Variants in ROBO2 observed in about 807,000 individuals in gnomAD.
The protein encoded by ROBO2 is roundabout guidance receptor 2, also known as roundabout homolog 2.
A neutral mutation model predicts 160.8 loss-of-function variants in ROBO2; 53 were observed. The ratio of observed to expected loss-of-function variants is 0.33; its 90% CI spans 0.26 to 0.41. The LOEUF (loss-of-function observed/expected upper bound fraction) is 0.41, where lower values mean the gene tolerates loss of function less well. Among genes scored for constraint, ROBO2 ranks in the 10% least tolerant of loss-of-function variants. ROBO2 has a pLI of 1.00. For missense variants in ROBO2, 1,577 were observed against 1,722.4 expected (o/e 0.92, Z 1.49); for synonymous variants, 664 against 611.7 (o/e 1.09, Z -1.26).
intron 2 of ROBO2, among the ~76,000 whole-genome samples, chr3:77,357,774 T>G (rs977063444): frequency 1.3e-5 from 2 of 152,142 alleles, no homozygotes; most frequent in African/African-American, 4.8e-5. Context: ...GGTCCTAGCC[T>G]TAAATCAGTT....
At chr3:77,179,170 T>C (rs2080450778) in intron 2 of ROBO2, among the ~76,000 whole-genome samples, 1 of 152,050 alleles carries the variant, frequency 6.6e-6, no homozygotes, top group African/African-American at 2.4e-5. Flanking sequence ...AGAGCTTTAA[T>C]ATTTAGTAAC....
At chr3:76,104,174 A>G (rs1166117549) in intron 2 of ROBO2, among the ~76,000 whole-genome samples, 1 of 152,224 alleles carries the variant, frequency 6.6e-6, no homozygotes, top group African/African-American at 2.4e-5. Context: ...CCACATTTTA[A>G]AAAGATAACA....
intron 2 of ROBO2, among the ~76,000 whole-genome samples, chr3:75,962,228 C>T (rs1345874107): frequency 6.6e-6 from 1 of 151,666 alleles, no homozygotes; most frequent in Admixed American, 6.6e-5. Context: ...TAACATCTGA[C>T]TTTTCATCAG....
intron 2 of ROBO2, among the ~76,000 whole-genome samples, chr3:77,380,824 G>A (rs1020201975): frequency 6.6e-6 from 1 of 151,648 alleles, no homozygotes; most frequent in Non-Finnish European, 1.5e-5. Context: ...GCTGATTAGC[G>A]CTGTCTCAAA....
intron 2 of ROBO2, among the ~76,000 whole-genome samples, chr3:77,201,535 T>C (rs2082912878): frequency 6.6e-6 from 1 of 152,230 alleles, no homozygotes; most frequent in Admixed American, 6.5e-5. Context: ...CCAAGGAACA[T>C]GATAAAATAT....
chr3:76,719,265 A>C (rs1194646461), intron 2 of ROBO2, among the ~76,000 whole-genome samples: 1 of 152,230 alleles, frequency 6.6e-6, no homozygotes, highest in East Asian at 1.9e-4. Flanking sequence ...AATTTATTTG[A>C]ATGTATAGAT....
At chr3:77,254,157 C>T (rs777076877) in intron 2 of ROBO2, among the ~76,000 whole-genome samples, 3 of 152,136 alleles carry the variant, frequency 2.0e-5, no homozygotes, top group Non-Finnish European at 2.9e-5. Context: ...GTGGTCTTAG[C>T]TACTCGCTGA....
intron 2 of ROBO2, among the ~76,000 whole-genome samples, chr3:76,755,692 A>G (rs2060931723): frequency 6.6e-6 from 1 of 151,850 alleles, no homozygotes; most frequent in Non-Finnish European, 1.5e-5. Flanking sequence ...AGCATTTATA[A>G]TAATAATTGC....
At chr3:77,315,407 T>C (rs1321228216) in intron 2 of ROBO2, among the ~76,000 whole-genome samples, 5 of 152,240 alleles carry the variant, frequency 3.3e-5, no homozygotes, top group Non-Finnish European at 7.3e-5. Flanking sequence ...TGGGCTTTAC[T>C]TAATCAAATT....
At chr3:77,439,850 C>T (rs1393593380) in intron 2 of ROBO2, among the ~76,000 whole-genome samples, 1 of 152,058 alleles carries the variant, frequency 6.6e-6, no homozygotes, top group Non-Finnish European at 1.5e-5. Flanking sequence ...CGTGTTTTAG[C>T]TCTCTTCCAG....
intron 2 of ROBO2, chr3:76,434,647 G>C: frequency 9.9e-6 from 13 of 1,309,074 alleles, no homozygotes; most frequent in Non-Finnish European, 1.4e-5. Context: ...AAAGAACTGA[G>C]TGGACTCTGC....
At position 77,644,648 on chromosome 3, in the gene ROBO2, T is replaced by G. The variant is rs2095393068; in HGVS notation, c.3935-56T>G. ...CAGTGTTATATTCAAGAGTTAAGTT[T>G]AGTTTGCCTCCATGTTTCTGTTCAA... On this transcript the variant is annotated intron_variant, in intron 24 of 25. Coordinates refer to ENST00000461745, the Ensembl canonical transcript of ROBO2. The G allele has an allele frequency of 2.0e-6, 3 of 1,488,232 alleles. No individual in the cohort carries two copies. The East Asian group carries it at 6.8e-5, about 34-fold the overall frequency. 92.2% of individuals were successfully genotyped at this position (1,488,232 alleles called of 1,614,324 possible).
chr3:76,141,792 C>G (rs888184725), intron 2 of ROBO2, among the ~76,000 whole-genome samples: 6 of 151,898 alleles, frequency 4.0e-5, no homozygotes, highest in African/African-American at 1.5e-4. Flanking sequence ...ATGTTAGACA[C>G]AACTAAATCA....
At chr3:76,028,493 G>A (rs992979619) in intron 2 of ROBO2, among the ~76,000 whole-genome samples, 1 of 151,854 alleles carries the variant, frequency 6.6e-6, no homozygotes, top group Non-Finnish European at 1.5e-5. Flanking sequence ...AGAACTCCAG[G>A]ATCATAAGAG....
At chr3:77,056,124 A>C (rs765109157) in intron 1 of ROBO2, among the ~76,000 whole-genome samples, 16 of 152,330 alleles carry the variant, frequency 1.1e-4, no homozygotes, top group Non-Finnish European at 1.6e-4. Context: ...AACCACACTC[A>C]GTCTAAACAA....
intron 2 of ROBO2, among the ~76,000 whole-genome samples, chr3:77,150,577 A>T (rs1303918923): frequency 2.0e-5 from 3 of 152,176 alleles, no homozygotes; most frequent in African/African-American, 7.2e-5. Flanking sequence ...TGTGCCCAGG[A>T]AAGTCAGGTA....
intron 4 of ROBO2, among the ~76,000 whole-genome samples, chr3:77,485,977 T>C (rs541041617): frequency 6.6e-6 from 1 of 152,306 alleles, no homozygotes; most frequent in South Asian, 2.1e-4. Context: ...GTTCCCCTGA[T>C]GTGTTCATAT....
chr3:76,942,639 G>A lies in ROBO2; in HGVS notation c.110-155375G>A, dbSNP rs114786257. Among the ~76,000 whole-genome samples, 254 of 152,206 alleles carry A rather than the reference G, an allele frequency of 1.7e-3. 1 individual carries two copies. Among genetic ancestry groups the A allele is most frequent in the African/African-American group, 5.2e-3 (215 of 41,520 alleles). On this transcript the variant is annotated intron_variant, in intron 2 of 26. Transcript: ENST00000487694. ...TATCCTTGACTGTAGGGAAAAGGCA[G>A]AATGGAAACCTCTCATTGTAGCCTA...
chr3:76,687,549 C>T (rs2092712016), intron 2 of ROBO2, among the ~76,000 whole-genome samples: 1 of 151,822 alleles, frequency 6.6e-6, no homozygotes, highest in African/African-American at 2.4e-5. Flanking sequence ...GAGAAAGAAA[C>T]GGGCTCAGGA....
Sources: allele counts gnomAD v4.1 joint callset (sites outside exome capture counted in the v4.1 genomes callset), GRCh38; gene constraint gnomAD v4.1.1; transcripts MANE v1.5; gene names NCBI Gene and HGNC (gene_info 2026-07-23, HGNC 2026-07-21).